The following SLC37A3 variants were observed in gnomAD, a reference collection of about 807,000 sequenced individuals.
The protein encoded by SLC37A3 is solute carrier family 37 member 3.
SLC37A3 carries 51 observed loss-of-function variants against 67.1 expected under a neutral mutation model. The ratio of observed to expected loss-of-function variants is 0.76; its 90% confidence interval spans 0.61 to 0.96. SLC37A3 has a LOEUF of 0.96. Among genes scored for constraint, SLC37A3 ranks in the 40% least tolerant of loss-of-function variants. The probability of loss-of-function intolerance (pLI) is 0.00; values close to 1 mark genes in which losing one functional copy is unlikely to be tolerated. For missense variants in SLC37A3, 508 were observed against 603.0 expected (o/e 0.84, Z 1.65); for synonymous variants, 214 against 231.4 (o/e 0.92, Z 0.68).
intron 5 of SLC37A3, among the ~76,000 whole-genome samples, chr7:140,359,200 A>G (rs1444968338): frequency 6.6e-6 from 1 of 151,960 alleles, no homozygotes; most frequent in East Asian, 1.9e-4. Flanking sequence ...AAAATTAGCT[A>G]GGCGTGGTGG....
chr7:140,393,141 C>T (rs1798786810), intron 1 of SLC37A3, among the ~76,000 whole-genome samples: 1 of 152,170 alleles, frequency 6.6e-6, no homozygotes, highest in African/African-American at 2.4e-5. Flanking sequence ...TCAGTCCACC[C>T]TGATCTCCTA....
chr7:140,389,474 A>G (rs1798640483), intron 1 of SLC37A3, among the ~76,000 whole-genome samples: 1 of 152,076 alleles, frequency 6.6e-6, no homozygotes, highest in Non-Finnish European at 1.5e-5. Flanking sequence ...CTACTTCCCA[A>G]GCCCCTACCC....
intron 12 of SLC37A3, 65 bp downstream of exon 12, chr7:140,345,151 G>A: frequency 6.9e-7 from 1 of 1,446,612 alleles, no homozygotes; most frequent in Non-Finnish European, 9.6e-7. Flanking sequence ...GGAGAAAACA[G>A]TTTCCCTTTT....
At chr7:140,339,853 C>G (rs35893606) in intron 13 of SLC37A3, among the ~76,000 whole-genome samples, 13,034 of 151,688 alleles carry the variant, frequency 0.086, 863 homozygotes, top group East Asian at 0.3. Context: ...TCTCCTGCCT[C>G]AGCCTCCCAA....
intron 1 of SLC37A3, among the ~76,000 whole-genome samples, chr7:140,394,526 G>A (rs943118317): frequency 2.6e-5 from 4 of 151,310 alleles, no homozygotes; most frequent in African/African-American, 9.7e-5. Context: ...GGAGGCTGAG[G>A]TGGGAGGATC....
At chr7:140,384,700 C>CA (rs543640885) in intron 1 of SLC37A3, among the ~76,000 whole-genome samples, 230 of 152,232 alleles carry the variant, frequency 1.5e-3, no homozygotes, top group Middle Eastern at 0.01. Flanking sequence ...GCCTGTACCA[C>CA]AGGGTAAGAC....
chr7:140,387,242 G>A lies in SLC37A3; in HGVS notation c.-70-4646C>T, dbSNP rs186156977. Among the ~76,000 whole-genome samples, 278 of 151,894 alleles carry A rather than the reference G, an allele frequency of 1.8e-3. 2 individuals are homozygous for A. The highest frequency in any genetic ancestry group is 0.017 in the South Asian group (81 of 4,808). ...TATCAGCAATTTGGGAGGCCGAGGCGGGTGGATTGCTGGAGTTCAGGAGTC... is the reference window on the plus strand; with the variant it reads ...TATCAGCAATTTGGGAGGCCGAGGCAGGTGGATTGCTGGAGTTCAGGAGTC... On this transcript the variant is annotated intron_variant, in intron 1 of 14. Transcript: ENST00000326232.
At chr7:140,341,275 T>C (rs1452681739) in intron 13 of SLC37A3, among the ~76,000 whole-genome samples, 1 of 152,096 alleles carries the variant, frequency 6.6e-6, no homozygotes, top group Non-Finnish European at 1.5e-5. Context: ...TCATTTCTCT[T>C]GGGCAGATAC....
rs1465309679 is a variant in SLC37A3, at chr7:140,362,905, G to C, written c.375+1503C>G. Among the ~76,000 whole-genome samples the C allele has an allele frequency of 7.9e-5, 5 of 63,420 alleles. 2 individuals are homozygous for C. Among genetic ancestry groups the C allele is most frequent in the Non-Finnish European group, 1.7e-4 (5 of 28,960 alleles). The allele number at this position is 63,420 out of a possible 152,430, so 41.6% of individuals were successfully genotyped here. ...CCGCCCCGTCCGGGAGGGAGGCGGG[G>C]GGGGGGGTCGGCCAGCCGCCCTGTC... is the stretch of plus-strand genomic sequence containing the variant. On this transcript the variant is annotated intron_variant, in intron 5 of 14. Transcript: ENST00000326232.
chr7:140,361,516 C>T (rs188447058), intron 5 of SLC37A3, among the ~76,000 whole-genome samples: 50,768 of 77,762 alleles, frequency 0.65, 18,421 homozygotes, highest in South Asian at 0.81. Flanking sequence ...CCTCCCCCTC[C>T]CCCTCCCCCT....
intron 7 of SLC37A3, among the ~76,000 whole-genome samples, chr7:140,353,356 A>G (rs1311425228): frequency 6.6e-6 from 1 of 151,708 alleles, no homozygotes; most frequent in Admixed American, 6.6e-5. Flanking sequence ...GGTGGCGTAC[A>G]CCTGTAATCC....
At chr7:140,368,483 C>G (rs1797694819) in intron 4 of SLC37A3, among the ~76,000 whole-genome samples, 1 of 152,136 alleles carries the variant, frequency 6.6e-6, no homozygotes, top group Non-Finnish European at 1.5e-5. Flanking sequence ...AGGAGAATTG[C>G]TTGAACCCGA....
intron 10 of SLC37A3, among the ~76,000 whole-genome samples, chr7:140,347,758 C>CAAAAAAA (rs11436762): frequency 7.2e-6 from 1 of 139,476 alleles, no homozygotes; most frequent in Non-Finnish European, 1.6e-5. Context: ...CTAGCTACAG[C>CAAAAAAA]AAAAAAAAAA....
At chr7:140,388,419 T>C (rs139169560) in intron 1 of SLC37A3, among the ~76,000 whole-genome samples, 2,100 of 146,828 alleles carry the variant, frequency 0.014, 38 homozygotes, top group African/African-American at 0.043. Flanking sequence ...CACGACAGAG[T>C]GAGACCCTGT....
intron 3 of SLC37A3, among the ~76,000 whole-genome samples, chr7:140,372,349 G>T (rs1215823124): frequency 6.6e-6 from 1 of 152,180 alleles, no homozygotes; most frequent in African/African-American, 2.4e-5. Flanking sequence ...GGCCTCCAGA[G>T]CCTTGCTCCA....
chr7:140,342,180 G>A (rs1796385487), intron 13 of SLC37A3, among the ~76,000 whole-genome samples: 1 of 152,208 alleles, frequency 6.6e-6, no homozygotes, highest in East Asian at 1.9e-4. Context: ...ATTAAAATAC[G>A]GCTAGGTAGT....
chr7:140,369,134 G>A (rs983725824), intron 4 of SLC37A3, among the ~76,000 whole-genome samples: 7 of 152,098 alleles, frequency 4.6e-5, no homozygotes, highest in East Asian at 1.9e-4. Flanking sequence ...CAAGCACACC[G>A]ACTCGCTCAC....
Position 140,395,805 on chromosome 7 carries a change from GT to G in SLC37A3, c.-71+2610del, listed in dbSNP as rs1798902490. ...AAAAAACATCTTACTGGTAAGAGTG[GT>G]TCTCTTACACACTCAAAGGAGAGGG... On this transcript the variant is annotated intron_variant, in intron 1 of 14. Transcript: ENST00000326232. Among the ~76,000 whole-genome samples, 4 of 152,258 alleles carry G rather than the reference GT, an allele frequency of 2.6e-5. No homozygotes were observed. The South Asian group carries it at 8.3e-4, about 32-fold the overall frequency.
In SLC37A3 at chr7:140,343,469, C is replaced by T. The variant is rs1796437968; in HGVS notation, c.1269G>A (p.Leu423=). Residue 423 remains leucine, a synonymous_variant, in exon 13 of 15, where the codon TTG becomes TTA. Coordinates refer to ENST00000326232, the MANE Select transcript of SLC37A3 (RefSeq NM_207113.3). ...CATCCACAATTCCTGTGACAGTGGC[C>T]AAAGCTTCACTGCTCCTTTGGATGA... is the stretch of plus-strand genomic sequence containing the variant. ...QELIQRSSEA[L]ATVTGIVDGS... 1.2e-6 allele frequency: 2 copies of T among 1,613,954 alleles called. No homozygotes were observed. Among genetic ancestry groups the T allele is most frequent in the African/African-American group, 2.7e-5 (2 of 74,880 alleles).
Sources: gnomAD v4.1 joint callset for allele counts (sites outside exome capture counted in the v4.1 genomes callset) on GRCh38, gnomAD v4.1.1 for gene constraint, MANE v1.5 for transcripts, NCBI Gene and HGNC (gene_info 2026-07-23, HGNC 2026-07-21) for gene names.